ASCC1: variants seen among roughly 807,000 people sequenced by gnomAD.
ASCC1 encodes the protein activating signal cointegrator 1 complex subunit 1, also known as ASC-1 complex subunit P50.
A neutral mutation model predicts 46.6 loss-of-function variants in ASCC1; 35 were observed. The ratio of observed to expected loss-of-function variants is 0.75; its 90% CI spans 0.57 to 0.99. The LOEUF (loss-of-function observed/expected upper bound fraction) is 0.99, where lower values mean the gene tolerates loss of function less well. Ranked by LOEUF, ASCC1 falls within the 50% of genes least tolerant of loss-of-function variation. The pLI, the probability that ASCC1 is intolerant of heterozygous loss-of-function variation, is 0.00. For synonymous variants in ASCC1, 143 were observed against 146.6 expected, an observed-to-expected ratio of 0.98 and a Z score of 0.18; for missense variants, 376 against 428.7, an observed-to-expected ratio of 0.88 and a Z score of 1.09.
intron 5 of ASCC1, among the ~76,000 whole-genome samples, chr10:72,184,619 G>A (rs1479222809): frequency 6.6e-6 from 1 of 151,950 alleles, no homozygotes; most frequent in Non-Finnish European, 1.5e-5. Context: ...GGAAAAAACT[G>A]GTAGAACTGA....
chr10:72,165,932 G>A (rs1271792689), intron 5 of ASCC1, among the ~76,000 whole-genome samples: 1 of 152,148 alleles, frequency 6.6e-6, no homozygotes, highest in Non-Finnish European at 1.5e-5. Context: ...CCCTTGCTCT[G>A]CTCCAAACGT....
chr10:72,103,849 A>T (rs1182392494), intron 9 of ASCC1, among the ~76,000 whole-genome samples: 1 of 152,108 alleles, frequency 6.6e-6, no homozygotes, highest in Non-Finnish European at 1.5e-5. Flanking sequence ...TCCTCCAACC[A>T]TACTTCTCCA....
chr10:72,148,156 A>C (rs1284352551), intron 7 of ASCC1, among the ~76,000 whole-genome samples: 1 of 152,156 alleles, frequency 6.6e-6, no homozygotes, highest in Non-Finnish European at 1.5e-5. Context: ...ATCTTGATAA[A>C]GCAGTAAAAA....
At chr10:72,201,459 A>G (rs943784706) in intron 4 of ASCC1, among the ~76,000 whole-genome samples, 2 of 151,564 alleles carry the variant, frequency 1.3e-5, no homozygotes, top group African/African-American at 4.9e-5. Flanking sequence ...GAGGCCAAGG[A>G]GGATCGCTCA....
intron 5 of ASCC1, among the ~76,000 whole-genome samples, chr10:72,184,605 G>T (rs931691337): frequency 6.6e-6 from 1 of 152,034 alleles, no homozygotes; most frequent in Admixed American, 6.6e-5. Flanking sequence ...TATCAAGAAG[G>T]TGTGGAAAAA....
At chr10:72,203,109 A>C in intron 4 of ASCC1, among the ~76,000 whole-genome samples, 1 of 152,080 alleles carries the variant, frequency 6.6e-6, no homozygotes, top group Non-Finnish European at 1.5e-5. Context: ...CAACATGGAG[A>C]AACCCCGCCT....
At chr10:72,191,426 A>G (rs1183359745) in intron 5 of ASCC1, among the ~76,000 whole-genome samples, 3 of 151,862 alleles carry the variant, frequency 2.0e-5, no homozygotes, top group Admixed American at 2.0e-4. Context: ...TTAGGGAGTT[A>G]TATATCAGTG....
intron 5 of ASCC1, chr10:72,190,599 CAT>C (rs1660530625): frequency 8.7e-7 from 1 of 1,143,450 alleles, no homozygotes; most frequent in African/African-American, 1.6e-5. Context: ...TTGTAAAATT[CAT>C]ACCTAATAAA....
At chr10:72,123,770 T>C (rs550532247) in intron 9 of ASCC1, among the ~76,000 whole-genome samples, 4 of 152,334 alleles carry the variant, frequency 2.6e-5, no homozygotes, top group African/African-American at 7.2e-5. Context: ...AAGAAGTTAA[T>C]TGTGCTTTCG....
At chr10:72,120,177 G>A (rs1433550151) in intron 9 of ASCC1, among the ~76,000 whole-genome samples, 3 of 152,098 alleles carry the variant, frequency 2.0e-5, no homozygotes, top group African/African-American at 4.8e-5. Context: ...GCAGTGAGCC[G>A]AGACTGCACC....
chr10:72,117,579 T>C (rs963436130), intron 9 of ASCC1, among the ~76,000 whole-genome samples: 4 of 152,224 alleles, frequency 2.6e-5, no homozygotes, highest in African/African-American at 7.2e-5. Context: ...TATGCATATA[T>C]GTGAGTGCAT....
At chr10:72,132,923 C>G (rs1238019282) in intron 8 of ASCC1, 134 bp downstream of exon 8, 2 of 1,082,754 alleles carry the variant, frequency 1.8e-6, no homozygotes, top group Non-Finnish European at 2.8e-6. Flanking sequence ...CTCTACTATG[C>G]TCATCAGAAT....
intron 4 of ASCC1, among the ~76,000 whole-genome samples, chr10:72,200,028 C>T (rs1856272059): frequency 6.6e-6 from 1 of 152,088 alleles, no homozygotes; most frequent in South Asian, 2.1e-4. Context: ...CCACCAAGCC[C>T]AGCCTGACAC....
Position 72,213,564 on chromosome 10 carries a change from A to ACC in ASCC1, c.-33-235_-33-234dup, listed in dbSNP as rs200273847. 5.0e-4 allele frequency among the ~76,000 whole-genome samples: 56 copies of ACC among 111,632 alleles called. No homozygotes were observed. In the East Asian group the frequency reaches 6.8e-3, roughly 14 times the overall value. 73.2% of individuals were successfully genotyped at this position (111,632 alleles called of 152,430 possible). On this transcript the variant is annotated intron_variant, in intron 1 of 9. Coordinates refer to ENST00000672957, the MANE Select transcript of ASCC1 (RefSeq NM_001198800.3). The stretch of plus-strand genomic sequence containing the variant: ...CAAAGTAATTTGTAAACTATTTATC[A>ACC]CCCCCCCCCCAAAAATGATTAAAAG...
intron 9 of ASCC1, among the ~76,000 whole-genome samples, chr10:72,106,982 T>C (rs1842405602): frequency 6.6e-6 from 1 of 152,112 alleles, no homozygotes; most frequent in African/African-American, 2.4e-5. Flanking sequence ...GCTGTGCATA[T>C]ACAACCAGAT....
At chr10:72,173,907 C>T (rs1048989719) in intron 5 of ASCC1, among the ~76,000 whole-genome samples, 1 of 152,252 alleles carries the variant, frequency 6.6e-6, no homozygotes, top group Non-Finnish European at 1.5e-5. Context: ...AGGTTGGCCA[C>T]CCAGGCTGGC....
At chr10:72,204,363 A>G in intron 3 of ASCC1, 1 of 1,548,126 alleles carries the variant, frequency 6.5e-7, no homozygotes, top group South Asian at 1.2e-5. Flanking sequence ...ACGGGACATG[A>G]GCTCACAATC....
intron 7 of ASCC1, among the ~76,000 whole-genome samples, chr10:72,148,884 T>C (rs1373729914): frequency 2.0e-5 from 3 of 152,152 alleles, no homozygotes; most frequent in Admixed American, 2.0e-4. Context: ...TTGTCAAATT[T>C]AGAGTAGTAT....
intron 5 of ASCC1, among the ~76,000 whole-genome samples, chr10:72,162,816 G>A (rs566170404): frequency 3.3e-5 from 5 of 151,818 alleles, no homozygotes; most frequent in Admixed American, 6.6e-5. Context: ...GGTGGCAGGC[G>A]CCTGTAATCC....
Sources: gnomAD v4.1 joint callset for allele counts (sites outside exome capture counted in the v4.1 genomes callset) on GRCh38, gnomAD v4.1.1 for gene constraint, MANE v1.5 for transcripts, NCBI Gene and HGNC (gene_info 2026-07-23, HGNC 2026-07-21) for gene names.